The following GRM5 variants were observed in gnomAD, a reference collection of about 807,000 sequenced individuals.
GRM5 encodes metabotropic glutamate receptor 5.
In GRM5, 19 loss-of-function variants were observed where a neutral mutation model predicts 83.1. The observed-to-expected ratio is 0.23, with a 90% CI of 0.16 to 0.34. GRM5 has a LOEUF of 0.34. GRM5 is among the 10% of genes least tolerant of loss of function. The pLI is 1.00. For missense variants in GRM5, 1,160 were observed against 1,588.3 expected (o/e 0.73, Z 4.58); for synonymous variants, 675 against 633.6 (o/e 1.07, Z -0.98).
intron 8 of GRM5, among the ~76,000 whole-genome samples, chr11:88,530,253 T>G (rs576868584): frequency 6.6e-6 from 1 of 152,182 alleles, no homozygotes; most frequent in African/African-American, 2.4e-5. Flanking sequence ...ACATGGAGTT[T>G]AAGGCTCTTC....
intron 7 of GRM5, among the ~76,000 whole-genome samples, chr11:88,568,648 T>G (rs1178648577): frequency 5.9e-5 from 9 of 152,194 alleles, no homozygotes; most frequent in Non-Finnish European, 1.2e-4. Context: ...CTTTGGTTTC[T>G]GTGTGGGTTT....
At chr11:88,755,784 A>T (rs1386811661) in intron 3 of GRM5, among the ~76,000 whole-genome samples, 1 of 152,136 alleles carries the variant, frequency 6.6e-6, no homozygotes, top group African/African-American at 2.4e-5. Context: ...GCCCTTGAGA[A>T]TATTGAATCT....
At chr11:88,532,625 C>T (rs1230134093) in intron 8 of GRM5, among the ~76,000 whole-genome samples, 4 of 152,174 alleles carry the variant, frequency 2.6e-5, no homozygotes, top group South Asian at 2.1e-4. Flanking sequence ...GAGGGAATAC[C>T]TCCATGAATA....
At chr11:88,973,492 A>G (rs979863107) in intron 2 of GRM5, among the ~76,000 whole-genome samples, 10 of 152,120 alleles carry the variant, frequency 6.6e-5, no homozygotes, top group African/African-American at 2.4e-4. Context: ...GAAGAGGAAA[A>G]GAAAGTGTTA....
chr11:88,732,847 A>G (rs1472521032), intron 3 of GRM5, among the ~76,000 whole-genome samples: 1 of 151,872 alleles, frequency 6.6e-6, no homozygotes, highest in African/African-American at 2.4e-5. Context: ...TGCCCTAGAG[A>G]CTGTGGATGT....
At chr11:89,008,291 G>A (rs1255973524) in intron 2 of GRM5, among the ~76,000 whole-genome samples, 1 of 152,044 alleles carries the variant, frequency 6.6e-6, no homozygotes, top group Non-Finnish European at 1.5e-5. Context: ...AAAAGACATG[G>A]TTAGCTGGAT....
chr11:88,743,190 G>A (rs1488862218), intron 3 of GRM5, among the ~76,000 whole-genome samples: 1 of 152,066 alleles, frequency 6.6e-6, no homozygotes, highest in East Asian at 1.9e-4. Context: ...AAAGGGTGAT[G>A]GACCATCTCA....
chr11:88,980,943 T>C (rs1939499789), intron 2 of GRM5, among the ~76,000 whole-genome samples: 1 of 152,046 alleles, frequency 6.6e-6, no homozygotes, highest in Non-Finnish European at 1.5e-5. Context: ...AAAACTGAGG[T>C]AAGGATATAT....
At chr11:88,811,243 G>T (rs1590875521) in intron 3 of GRM5, among the ~76,000 whole-genome samples, 1 of 152,014 alleles carries the variant, frequency 6.6e-6, no homozygotes, top group African/African-American at 2.4e-5. Flanking sequence ...AATAACAGAA[G>T]ATTTTTTTTG....
chr11:88,874,519 G>T lies in GRM5; in HGVS notation c.662-24364C>A, dbSNP rs115849528. Among the ~76,000 whole-genome samples the T allele has an allele frequency of 4.6e-3, 705 of 151,918 alleles. 8 individuals carry two copies. Among genetic ancestry groups the T allele is most frequent in the African/African-American group, 0.016 (664 of 41,508 alleles). On this transcript the variant is annotated intron_variant, in intron 2 of 9. Coordinates refer to ENST00000305447, the MANE Select transcript of GRM5 (RefSeq NM_001143831.3). Reference sequence around the variant, plus strand: ...ACACAGGAAAAAAATGCTTTATGACGTGGATCTGAACAAAGGTTTTTGCAA... The same window carrying T: ...ACACAGGAAAAAAATGCTTTATGACTTGGATCTGAACAAAGGTTTTTGCAA...
At chr11:88,776,694 A>C (rs1942859038) in intron 3 of GRM5, among the ~76,000 whole-genome samples, 1 of 152,154 alleles carries the variant, frequency 6.6e-6, no homozygotes, top group Admixed American at 6.5e-5. Flanking sequence ...TCCTTCACTT[A>C]TGAAGCTTAG....
Position 88,567,252 on chromosome 11 carries a change from T to A in GRM5, c.2431A>T (p.Thr811Ser). The part of the protein sequence containing the change: ...TMCFSVSLSA[T>S]VALGCMFVPK... Reference sequence around the variant, plus strand: ...ACAAACATGCAGCCTAGGGCCACTGTGGCACTGAGGCTGACCGAGAAACAC... The same window carrying A: ...ACAAACATGCAGCCTAGGGCCACTGAGGCACTGAGGCTGACCGAGAAACAC... Residue 811 changes from threonine (T) to serine (S), a missense_variant, in exon 8 of 10, where the codon ACA (threonine) becomes TCA (serine). Thr to Ser is a moderately conservative substitution (Grantham distance 58, BLOSUM62 1). This residue lies in a region of GRM5 where 66 missense variants were observed against 138.6 expected (regional missense o/e 0.48). Transcript: ENST00000305447. This position sits in a 1 kb window ranked among gnomAD's most constrained non-coding sequence, Gnocchi z 7.3. 1 of 1,614,046 alleles carries A rather than the reference T, an allele frequency of 6.2e-7. No homozygotes were observed. Among genetic ancestry groups the A allele is most frequent in the South Asian group, 1.1e-5 (1 of 91,076 alleles).
chr11:88,555,905 C>T (rs1197208514), intron 8 of GRM5, among the ~76,000 whole-genome samples: 2 of 152,098 alleles, frequency 1.3e-5, no homozygotes, highest in African/African-American at 4.8e-5. Flanking sequence ...GATGGATCCA[C>T]ATGTTCTGGG....
At chr11:88,836,829 AAAAC>A (rs549410132) in intron 3 of GRM5, among the ~76,000 whole-genome samples, 14 of 152,112 alleles carry the variant, frequency 9.2e-5, no homozygotes, top group South Asian at 2.1e-4. Context: ...AAAACAAACA[AAAAC>A]AAACAAACAA....
chr11:88,644,550 A>G (rs891478727), intron 4 of GRM5, among the ~76,000 whole-genome samples: 4 of 152,132 alleles, frequency 2.6e-5, no homozygotes, highest in Non-Finnish European at 5.9e-5. Context: ...CAGCAAGAAA[A>G]AATTCTATTG....
At chr11:88,724,756 G>C (rs1466566779) in intron 3 of GRM5, among the ~76,000 whole-genome samples, 5 of 152,122 alleles carry the variant, frequency 3.3e-5, no homozygotes, top group Admixed American at 3.3e-4. Flanking sequence ...CCCATGGAGG[G>C]TGAGCTGAAG....
intron 3 of GRM5, among the ~76,000 whole-genome samples, chr11:88,763,023 G>T: frequency 6.6e-6 from 1 of 151,906 alleles, no homozygotes; most frequent in East Asian, 1.9e-4. Flanking sequence ...ACTACCAGGG[G>T]TTGGAGCGGG....
intron 3 of GRM5, among the ~76,000 whole-genome samples, chr11:88,720,813 TGTGTGTGC>T (rs775185893): frequency 0.017 from 2,365 of 135,452 alleles, 24 homozygotes; most frequent in South Asian, 0.044. Context: ...TGTGTGTGTG[TGTGTGTGC>T]GTGTGTGTGT....
chr11:88,530,960 A>G (rs547041986), intron 8 of GRM5, among the ~76,000 whole-genome samples: 1 of 152,230 alleles, frequency 6.6e-6, no homozygotes, highest in African/African-American at 2.4e-5. Flanking sequence ...TCTGTCCTTT[A>G]TACAAGCACT....
Sources: allele counts gnomAD v4.1 joint callset (sites outside exome capture counted in the v4.1 genomes callset), GRCh38; gene constraint gnomAD v4.1.1; regional missense constraint gnomAD v4.1.1; non-coding constraint Gnocchi (gnomAD v3.1); transcripts MANE v1.5; gene names NCBI Gene and HGNC (gene_info 2026-07-23, HGNC 2026-07-21).